Variants in MTMR2 observed in about 807,000 individuals in gnomAD.
MTMR2 encodes phosphatidylinositol-3,5-bisphosphate 3-phosphatase MTMR2.
MTMR2 carries 55 observed loss-of-function variants against 86.9 expected under a neutral mutation model. That is an observed-to-expected ratio of 0.63 (90% CI 0.51 to 0.79). The LOEUF is 0.79. Among genes scored for constraint, MTMR2 ranks in the 30% least tolerant of loss-of-function variants. The pLI, the probability that MTMR2 is intolerant of heterozygous loss-of-function variation, is 0.00. For missense variants in MTMR2, 659 were observed against 772.3 expected, an observed-to-expected ratio of 0.85 and a Z score of 1.74; for synonymous variants, 241 against 266.8, an observed-to-expected ratio of 0.90 and a Z score of 0.94.
In MTMR2 at chr11:95,836,905, T is replaced by C. The variant is rs1272458067; in HGVS notation, c.1594-581A>G. On this transcript the variant is annotated intron_variant, in intron 13 of 14. Coordinates refer to ENST00000346299, the MANE Select transcript of MTMR2 (RefSeq NM_016156.6). Reference sequence around the variant, plus strand: ...GGTTTTCTGAGGTGATGAAATGTTCTGAAATGAAAATGTGATGGCTGTACA... The same window carrying C: ...GGTTTTCTGAGGTGATGAAATGTTCCGAAATGAAAATGTGATGGCTGTACA... Among the ~76,000 whole-genome samples the C allele has an allele frequency of 3.3e-5, 5 of 152,006 alleles. No individual in the cohort carries two copies. The East Asian group carries it at 9.6e-4, about 29-fold the overall frequency.
intron 1 of MTMR2, among the ~76,000 whole-genome samples, chr11:95,900,607 T>A (rs1866037363): frequency 1.3e-5 from 2 of 151,586 alleles, no homozygotes; most frequent in African/African-American, 4.8e-5. Context: ...AACGCACCCT[T>A]CCTTCCTTTT....
At chr11:95,861,756 T>G (rs1200262911) in intron 5 of MTMR2, among the ~76,000 whole-genome samples, 3 of 152,144 alleles carry the variant, frequency 2.0e-5, no homozygotes, top group Admixed American at 2.0e-4. Flanking sequence ...AAGTTATGAA[T>G]TTGTGAATAT....
At chr11:95,915,457 T>C (rs543490451) in intron 1 of MTMR2, among the ~76,000 whole-genome samples, 1 of 152,140 alleles carries the variant, frequency 6.6e-6, no homozygotes, top group Non-Finnish European at 1.5e-5. Flanking sequence ...TCTATTCACA[T>C]CCAAATTATA....
At chr11:95,889,659 C>G (rs994140659) in intron 1 of MTMR2, among the ~76,000 whole-genome samples, 1 of 152,076 alleles carries the variant, frequency 6.6e-6, no homozygotes, top group Non-Finnish European at 1.5e-5. Flanking sequence ...CTCAAGCCCA[C>G]TTCTTTTTTA....
At chr11:95,883,702 A>C (rs778187668) in intron 2 of MTMR2, among the ~76,000 whole-genome samples, 5 of 152,228 alleles carry the variant, frequency 3.3e-5, no homozygotes, top group South Asian at 2.1e-4. Context: ...TTCAAGATAT[A>C]TCTAGACTAG....
chr11:95,902,480 T>C (rs1323137910), intron 1 of MTMR2, among the ~76,000 whole-genome samples: 1 of 152,194 alleles, frequency 6.6e-6, no homozygotes, highest in Non-Finnish European at 1.5e-5. Context: ...CTTACAACTA[T>C]CCACATTAAA....
Position 95,838,164 on chromosome 11 carries a change from A to G in MTMR2, c.1523T>C (p.Ile508Thr), listed in dbSNP as rs769280444. ...TAAGCAGCTGTATAGGTGGTCCAAA[A>G]TGGTAATGAGAAAATACTCATTGAA... Reference protein sequence around the residue: ...FEFNEYFLITILDHLYSCLFG... With the variant: ...FEFNEYFLITTLDHLYSCLFG... Residue 508 changes from isoleucine (I) to threonine (T), a missense_variant, in exon 13 of 15, where the codon ATT (isoleucine) becomes ACT (threonine). By Grantham distance (89) the Ile-to-Thr change is moderately conservative. Coordinates refer to ENST00000346299, the MANE Select transcript of MTMR2 (RefSeq NM_016156.6). 8.7e-6 allele frequency: 14 copies of G among 1,611,086 alleles called. No individual in the cohort carries two copies. Among genetic ancestry groups the G allele is most frequent in the African/African-American group, 2.7e-5 (2 of 74,790 alleles).
intron 1 of MTMR2, among the ~76,000 whole-genome samples, chr11:95,915,236 T>C (rs1416946516): frequency 6.6e-6 from 1 of 152,142 alleles, no homozygotes; most frequent in Admixed American, 6.6e-5. Context: ...CACCAGCCCA[T>C]CATCAGCCAG....
intron 1 of MTMR2, among the ~76,000 whole-genome samples, chr11:95,890,860 A>C (rs1313282462): frequency 6.6e-6 from 1 of 151,420 alleles, no homozygotes; most frequent in Non-Finnish European, 1.5e-5. Context: ...GCAACATGCC[A>C]AGAACTCATC....
intron 5 of MTMR2, among the ~76,000 whole-genome samples, chr11:95,858,975 A>G (rs1864308473): frequency 6.6e-6 from 1 of 152,222 alleles, no homozygotes; most frequent in African/African-American, 2.4e-5. Context: ...ACAAACTATC[A>G]GCATATGTGC....
chr11:95,904,241 A>C (rs945087339), intron 1 of MTMR2, among the ~76,000 whole-genome samples: 8 of 152,146 alleles, frequency 5.3e-5, no homozygotes, highest in Non-Finnish European at 1.2e-4. Flanking sequence ...TGCATCATAA[A>C]ATTTTCCCTC....
chr11:95,836,273 C>T lies in MTMR2; in HGVS notation c.1645G>A (p.Glu549Lys). 1 of 1,612,932 alleles carries T rather than the reference C, an allele frequency of 6.2e-7. No homozygotes were observed. The highest frequency in any genetic ancestry group is 8.5e-7 in the Non-Finnish European group (1 of 1,179,208). Residue 549 changes from glutamate (E) to lysine (K), a missense_variant, in exon 14 of 15, where the codon GAA becomes AAA. This residue lies in a region of MTMR2 where 193 missense variants were observed against 191.6 expected (regional missense o/e 1.01). Transcript: ENST00000346299. ...CCATAGAGAGGATTAGTGAAGTCTT[C>T]CAGCTGGCTGTTTATGTAAGACCAC... Reference protein sequence around the residue: ...SLWSYINSQLEDFTNPLYGSY... With the variant: ...SLWSYINSQLKDFTNPLYGSY...
At chr11:95,840,679 G>A (rs1863508170) in intron 12 of MTMR2, among the ~76,000 whole-genome samples, 1 of 152,094 alleles carries the variant, frequency 6.6e-6, no homozygotes, top group South Asian at 2.1e-4. Context: ...ATGGAGGCAA[G>A]GGACTGTTAA....
intron 2 of MTMR2, among the ~76,000 whole-genome samples, chr11:95,873,174 T>C (rs908988050): frequency 2.6e-5 from 4 of 152,334 alleles, no homozygotes; most frequent in African/African-American, 4.8e-5. Context: ...TTGATTGGAA[T>C]AGTTTCAGAA....
At chr11:95,881,541 A>G (rs898582251) in intron 2 of MTMR2, among the ~76,000 whole-genome samples, 1 of 152,140 alleles carries the variant, frequency 6.6e-6, no homozygotes, top group African/African-American at 2.4e-5. Context: ...CTTTCTTCAT[A>G]AAGTTCTTCT....
At chr11:95,880,743 T>G (rs1565370307) in intron 2 of MTMR2, among the ~76,000 whole-genome samples, 1 of 152,100 alleles carries the variant, frequency 6.6e-6, no homozygotes, top group Non-Finnish European at 1.5e-5. Flanking sequence ...TTCCTTGAAT[T>G]TCTTGTTCAT....
chr11:95,902,977 A>G (rs1565382382), intron 1 of MTMR2, among the ~76,000 whole-genome samples: 1 of 152,192 alleles, frequency 6.6e-6, no homozygotes, highest in Non-Finnish European at 1.5e-5. Flanking sequence ...CTTTAGCTTC[A>G]GGCTTACCAT....
chr11:95,865,082 GCAGAGAAGGGCATCTA>G (rs1201462399), intron 3 of MTMR2, among the ~76,000 whole-genome samples: 2 of 152,084 alleles, frequency 1.3e-5, no homozygotes, highest in Non-Finnish European at 2.9e-5. Flanking sequence ...ATTAGGCTGG[GCAGAGAAGGGCATCTA>G]CATACAAACA....
At chr11:95,836,500 C>T (rs1211899376) in intron 13 of MTMR2, among the ~76,000 whole-genome samples, 176 bp from the exon 14 acceptor site, 1 of 151,916 alleles carries the variant, frequency 6.6e-6, no homozygotes, top group Non-Finnish European at 1.5e-5. Context: ...AAACAGTATG[C>T]AGTTCCTCAA....
Sources: gnomAD v4.1 joint callset for allele counts (sites outside exome capture counted in the v4.1 genomes callset) on GRCh38, gnomAD v4.1.1 for gene constraint, gnomAD v4.1.1 regional missense constraint, MANE v1.5 for transcripts, NCBI Gene and HGNC (gene_info 2026-07-23, HGNC 2026-07-21) for gene names.